Variants in SPATA13 observed in about 807,000 individuals in gnomAD.
SPATA13 encodes spermatogenesis-associated protein 13.
SPATA13 carries 50 observed loss-of-function variants against 104.0 expected under a neutral mutation model. That is an observed-to-expected ratio of 0.48 (90% CI 0.38 to 0.61). The LOEUF is 0.61. SPATA13 is among the 20% of genes least tolerant of loss of function. SPATA13 has a pLI of 0.00. For missense variants in SPATA13, 1,524 were observed against 1,690.6 expected (o/e 0.90, Z 1.73); for synonymous variants, 606 against 667.5 (o/e 0.91, Z 1.42).
At chr13:24,162,308 C>T (rs1882535076) in intron 1 of SPATA13, 1 of 153,894 alleles carries the variant, frequency 6.5e-6, no homozygotes, top group African/African-American at 2.4e-5. Context: ...CTACTTCTCC[C>T]TGGCAGGCGC....
intron 2 of SPATA13, 113 bp from the exon 3 acceptor site, chr13:24,249,364 T>A: frequency 7.6e-7 from 1 of 1,311,766 alleles, no homozygotes; most frequent in South Asian, 1.6e-5. Context: ...AATAAACAAG[T>A]AAATCAAGAA....
intron 4 of SPATA13, among the ~76,000 whole-genome samples, chr13:24,267,326 C>A (rs1874343744): frequency 6.6e-6 from 1 of 152,168 alleles, no homozygotes; most frequent in African/African-American, 2.4e-5. Flanking sequence ...TGAGAAGATG[C>A]CTGATTTCAA....
At chr13:24,024,561 C>A (rs1039513390) in intron 3 of SPATA13, among the ~76,000 whole-genome samples, 1 of 152,000 alleles carries the variant, frequency 6.6e-6, no homozygotes, top group African/African-American at 2.4e-5. Flanking sequence ...CTGCTGGTGG[C>A]CACACAGCAC....
In SPATA13 at chr13:24,044,233, C is replaced by CTTTTT. The variant is rs67709070; in HGVS notation, c.-112+26546_-112+26550dup. On this transcript the variant is annotated intron_variant, in intron 3 of 14. Transcript: ENST00000424834. ...TGATTTAATTTGTTTTTCTTTCTTTCTTTTTTTTTTTTTTTTTTGAGACGT... is the reference window on the plus strand; with the variant it reads ...TGATTTAATTTGTTTTTCTTTCTTTCTTTTTTTTTTTTTTTTTTTTTTTGAGACGT... 5.4e-4 allele frequency among the ~76,000 whole-genome samples: 66 copies of CTTTTT among 122,970 alleles called. 1 individual carries two copies. The highest frequency in any genetic ancestry group is 8.5e-4 in the Non-Finnish European group (52 of 61,512). The allele number at this position is 122,970 out of a possible 152,430, so 80.7% of individuals were successfully genotyped here.
At chr13:24,010,290 G>A (rs1876411403) in intron 2 of SPATA13, among the ~76,000 whole-genome samples, 1 of 152,158 alleles carries the variant, frequency 6.6e-6, no homozygotes. Context: ...AATCAGATAT[G>A]CATTTGCCTT....
intron 3 of SPATA13, among the ~76,000 whole-genome samples, chr13:24,097,322 T>G (rs182749261): frequency 7.9e-5 from 12 of 152,154 alleles, no homozygotes; most frequent in Admixed American, 7.2e-4. Flanking sequence ...CTAAATAATT[T>G]CCCCAAGGTC....
intron 2 of SPATA13, among the ~76,000 whole-genome samples, chr13:24,000,410 G>T (rs1299591441): frequency 6.6e-6 from 1 of 152,288 alleles, no homozygotes; most frequent in African/African-American, 2.4e-5. Flanking sequence ...AGTGCTGGGC[G>T]GTGAGGTGTC....
chr13:24,157,197 T>C (rs1386616096), upstream of SPATA13, among the ~76,000 whole-genome samples: 1 of 152,218 alleles, frequency 6.6e-6, no homozygotes, highest in Non-Finnish European at 1.5e-5. Context: ...AAAGAGTGAA[T>C]ACTCTGTGCT....
At chr13:24,163,444 G>A (rs1428719313) in intron 1 of SPATA13, among the ~76,000 whole-genome samples, 1 of 152,134 alleles carries the variant, frequency 6.6e-6, no homozygotes, top group Non-Finnish European at 1.5e-5. Flanking sequence ...ACTACTGCCA[G>A]CTGTCTCCTC....
intron 3 of SPATA13, among the ~76,000 whole-genome samples, chr13:24,106,934 C>G (rs1223468556): frequency 1.3e-5 from 2 of 151,976 alleles, no homozygotes; most frequent in Non-Finnish European, 2.9e-5. Context: ...GTAGTGAAGT[C>G]TGTGCACTAT....
intron 4 of SPATA13, among the ~76,000 whole-genome samples, chr13:24,266,292 T>A (rs1173518756): frequency 6.6e-6 from 1 of 152,230 alleles, no homozygotes; most frequent in African/African-American, 2.4e-5. Context: ...AAATTAATTT[T>A]AATTTTTATA....
At chr13:24,250,686 A>G (rs1475307746) in intron 3 of SPATA13, among the ~76,000 whole-genome samples, 1 of 152,246 alleles carries the variant, frequency 6.6e-6, no homozygotes, top group Non-Finnish European at 1.5e-5. Context: ...CTTGTCTATA[A>G]CAAGCACTCA....
chr13:24,277,255 T>C (rs373631398), intron 4 of SPATA13, among the ~76,000 whole-genome samples: 9 of 151,864 alleles, frequency 5.9e-5, no homozygotes, highest in South Asian at 4.2e-4. Flanking sequence ...CCATCCTGGC[T>C]AACATGGTGA....
intron 3 of SPATA13, among the ~76,000 whole-genome samples, chr13:24,017,884 A>G (rs1167273930): frequency 1.3e-5 from 2 of 152,240 alleles, no homozygotes; most frequent in East Asian, 3.8e-4. Context: ...CTTTCAAAAC[A>G]TATCATCTGT....
intron 3 of SPATA13, among the ~76,000 whole-genome samples, chr13:24,019,998 A>G (rs1001013864): frequency 1.3e-5 from 2 of 152,096 alleles, no homozygotes; most frequent in South Asian, 2.1e-4. Flanking sequence ...ATTGAAGCTT[A>G]CCTTTAAGCT....
intron 3 of SPATA13, among the ~76,000 whole-genome samples, chr13:24,107,237 CAAAA>C (rs11421515): frequency 0.13 from 4,294 of 33,606 alleles, 29 homozygotes; most frequent in African/African-American, 0.24. Context: ...GAACAAGAGG[CAAAA>C]AAAAAAAAAA....
intron 1 of SPATA13, chr13:23,983,657 T>A (rs10712257): frequency 0.11 from 15,383 of 133,788 alleles, 844 homozygotes; most frequent in Middle Eastern, 0.19. Context: ...TTTTTTTTTT[T>A]AAAAAACATC....
At chr13:23,988,511 A>T (rs951056514) in intron 2 of SPATA13, among the ~76,000 whole-genome samples, 2 of 152,224 alleles carry the variant, frequency 1.3e-5, no homozygotes, top group Non-Finnish European at 1.5e-5. Flanking sequence ...CATGTTGGTC[A>T]ATCAGAATTA....
rs183903029 is a variant in SPATA13 at position 24,016,147 on chromosome 13, T to C, written c.-146-1520T>C. Among the ~76,000 whole-genome samples the C allele has an allele frequency of 3.3e-5, 5 of 152,306 alleles. No individual in the cohort carries two copies. In the East Asian group the frequency reaches 9.7e-4, roughly 29 times the overall value. ...TGCGTATGTCTTTCTCAGACACCCC[T>C]GAGACCTGCCCGGAATTGTGTTTGT... On this transcript the variant is annotated intron_variant, in intron 2 of 14. Transcript: ENST00000424834.
Sources: allele counts gnomAD v4.1 joint callset (sites outside exome capture counted in the v4.1 genomes callset), GRCh38; gene constraint gnomAD v4.1.1; transcripts MANE v1.5; gene names NCBI Gene and HGNC (gene_info 2026-07-23, HGNC 2026-07-21).